The following ITFG1 variants were observed in gnomAD, a reference collection of about 807,000 sequenced individuals.
ITFG1 encodes the protein T-cell immunomodulatory protein.
ITFG1 carries 34 observed loss-of-function variants against 81.8 expected under a neutral mutation model. The ratio of observed to expected loss-of-function variants is 0.42; its 90% CI spans 0.32 to 0.55. The LOEUF is 0.55. Ranked by LOEUF, ITFG1 falls within the 20% of genes least tolerant of loss-of-function variation. ITFG1 has a pLI of 0.17. For missense variants in ITFG1, 672 were observed against 755.4 expected (o/e 0.89, Z 1.29); for synonymous variants, 285 against 270.6 (o/e 1.05, Z -0.52).
chr16:47,161,590 T>C (rs761990347), intron 16 of ITFG1, 160 bp downstream of exon 16: 3 of 454,600 alleles, frequency 6.6e-6, no homozygotes, highest in Admixed American at 7.0e-5. Flanking sequence ...GGACCTTTTA[T>C]GTAAGTATGT....
chr16:47,364,983 C>T (rs763612539), intron 8 of ITFG1, among the ~76,000 whole-genome samples: 2 of 152,236 alleles, frequency 1.3e-5, no homozygotes, highest in Non-Finnish European at 2.9e-5. Flanking sequence ...CCAGCTCAAA[C>T]TCTAACTTCT....
chr16:47,340,365 T>C (rs1967765029), intron 8 of ITFG1, among the ~76,000 whole-genome samples: 1 of 152,148 alleles, frequency 6.6e-6, no homozygotes. Context: ...ACAAATTATA[T>C]AAAGATATAT....
At chr16:47,163,958 C>CAT (rs1567411040) in intron 14 of ITFG1, among the ~76,000 whole-genome samples, 1 of 151,354 alleles carries the variant, frequency 6.6e-6, no homozygotes, top group East Asian at 1.9e-4. Flanking sequence ...CACACATACA[C>CAT]ACACACACAC....
At chr16:47,342,552 GA>G (rs1327115482) in intron 8 of ITFG1, among the ~76,000 whole-genome samples, 5 of 151,868 alleles carry the variant, frequency 3.3e-5, no homozygotes, top group Admixed American at 1.3e-4. Context: ...AAGAAAGAAA[GA>G]AAACTATCTC....
chr16:47,403,353 G>A (rs1437160412), intron 6 of ITFG1, among the ~76,000 whole-genome samples: 1 of 151,294 alleles, frequency 6.6e-6, no homozygotes, highest in East Asian at 1.9e-4. Context: ...TGGCCCATAT[G>A]GGCCAATTCT....
intron 10 of ITFG1, among the ~76,000 whole-genome samples, chr16:47,291,668 A>G (rs1966907545): frequency 1.3e-5 from 2 of 152,080 alleles, no homozygotes; most frequent in African/African-American, 4.8e-5. Flanking sequence ...CTGTCTGGGT[A>G]ATTTGAAATG....
chr16:47,326,086 G>A (rs542783446), intron 8 of ITFG1, among the ~76,000 whole-genome samples: 10 of 152,150 alleles, frequency 6.6e-5, no homozygotes, highest in Non-Finnish European at 1.3e-4. Flanking sequence ...TAAAATACTG[G>A]CAAACCGAAT....
At chr16:47,275,770 T>A (rs1257259639) in intron 10 of ITFG1, among the ~76,000 whole-genome samples, 1 of 152,178 alleles carries the variant, frequency 6.6e-6, no homozygotes, top group African/African-American at 2.4e-5. Flanking sequence ...AGACTGACTT[T>A]AAAACCTAAT....
chr16:47,329,966 T>C (rs1967614988), intron 8 of ITFG1, among the ~76,000 whole-genome samples: 1 of 152,114 alleles, frequency 6.6e-6, no homozygotes, highest in Non-Finnish European at 1.5e-5. Flanking sequence ...AGACAGTTGC[T>C]TTTACATAAG....
chr16:47,238,102 T>TATA (rs1310214276), intron 12 of ITFG1, 94 bp from the exon 13 acceptor site: 2 of 671,974 alleles, frequency 3.0e-6, no homozygotes, highest in Admixed American at 3.4e-5. Context: ...TATACTCTAT[T>TATA]GATTCATAAT....
intron 10 of ITFG1, among the ~76,000 whole-genome samples, chr16:47,296,974 T>C (rs994808372): frequency 6.6e-6 from 1 of 152,204 alleles, no homozygotes; most frequent in African/African-American, 2.4e-5. Context: ...GTCTAGTGTT[T>C]GTGGTTTTTC....
intron 6 of ITFG1, among the ~76,000 whole-genome samples, chr16:47,389,090 CAT>C (rs1423489786): frequency 1.3e-5 from 2 of 152,082 alleles, no homozygotes; most frequent in African/African-American, 2.4e-5. Flanking sequence ...ACTTTCTGGA[CAT>C]ATGTCTGGCT....
intron 6 of ITFG1, among the ~76,000 whole-genome samples, chr16:47,406,587 G>C (rs924284711): frequency 1.3e-5 from 2 of 152,190 alleles, no homozygotes; most frequent in African/African-American, 4.8e-5. Context: ...CCTATTTGGT[G>C]GCAGGCACTG....
intron 8 of ITFG1, among the ~76,000 whole-genome samples, chr16:47,351,517 C>G (rs1403395698): frequency 1.3e-5 from 2 of 152,088 alleles, no homozygotes. Flanking sequence ...ATGTGAAGGA[C>G]CTCTTCAAGG....
chr16:47,460,925 G>A lies in ITFG1; in HGVS notation c.121C>T (p.Leu41Phe), dbSNP rs752509451. The A allele has an allele frequency of 6.2e-6, 10 of 1,612,822 alleles. No homozygotes were observed. The highest frequency in any genetic ancestry group is 2.2e-5 in the East Asian group (1 of 44,840). The change falls in exon 1 of 18, where the codon CTC becomes TTC. Residue 41 changes from leucine (L) to phenylalanine (F), a missense_variant. Physicochemically the swap from Leu to Phe is conservative, Grantham distance 22. This residue lies in a region of ITFG1 where 560 missense variants were observed against 625.7 expected (regional missense o/e 0.90). Coordinates refer to ENST00000320640, the MANE Select transcript of ITFG1 (RefSeq NM_030790.5). Reference protein sequence around the residue: ...ARALHNVTAELFGAEAWGTLA... With the variant: ...ARALHNVTAEFFGAEAWGTLA... ...GTGCCCCAGGCCTCGGCCCCAAAGA[G>A]CTCGGCCGTGACGTTGTGCAGCGCC...
Position 47,311,348 on chromosome 16 carries a change from T to C in ITFG1, c.962A>G (p.Asp321Gly), listed in dbSNP as rs749667907. ...GTLWGFVPFV[D>G]EQQPTEIPIP... ...TGGTATTTCAGTTGGTTGCTGTTCA[T>C]CCACAAATGGCACAAAGCCCCAGAG... The change falls in exon 10 of 18, where the codon GAT (aspartate) becomes GGT (glycine). Residue 321 changes from aspartate to glycine, a missense_variant. Asp to Gly is a moderately conservative substitution (Grantham distance 94, BLOSUM62 -1). This residue lies in a region of ITFG1 where 560 missense variants were observed against 625.7 expected (regional missense o/e 0.90). Transcript: ENST00000320640. The C allele has an allele frequency of 1.9e-6, 3 of 1,613,906 alleles. No homozygotes were observed. The highest frequency in any genetic ancestry group is 2.5e-6 in the Non-Finnish European group (3 of 1,179,830).
chr16:47,159,879 C>T (rs1964773159), intron 16 of ITFG1, among the ~76,000 whole-genome samples: 1 of 151,966 alleles, frequency 6.6e-6, no homozygotes, highest in Admixed American at 6.6e-5. Flanking sequence ...TAGTCAATAA[C>T]CTCAAAATAC....
chr16:47,217,230 T>A (rs1965635761), intron 14 of ITFG1, among the ~76,000 whole-genome samples: 1 of 152,226 alleles, frequency 6.6e-6, no homozygotes, highest in African/African-American at 2.4e-5. Flanking sequence ...CATCAGTGCA[T>A]TCCTTAGATA....
At chr16:47,252,624 G>A (rs1466430842) in intron 12 of ITFG1, among the ~76,000 whole-genome samples, 1 of 152,202 alleles carries the variant, frequency 6.6e-6, no homozygotes, top group Non-Finnish European at 1.5e-5. Flanking sequence ...CAAGGTCCCC[G>A]TCTTCATGTA....
Sources: gnomAD v4.1 joint callset for allele counts (sites outside exome capture counted in the v4.1 genomes callset) on GRCh38, gnomAD v4.1.1 for gene constraint, gnomAD v4.1.1 regional missense constraint, MANE v1.5 for transcripts, NCBI Gene and HGNC (gene_info 2026-07-23, HGNC 2026-07-21) for gene names.